Variants in ADAMTS19 observed in about 807,000 individuals in gnomAD.
ADAMTS19 encodes A disintegrin and metalloproteinase with thrombospondin motifs 19.
A neutral mutation model predicts 153.3 loss-of-function variants in ADAMTS19; 93 were observed. That is an observed-to-expected ratio of 0.61 (90% CI 0.51 to 0.72). ADAMTS19 has a LOEUF of 0.72. ADAMTS19 is among the 30% of genes least tolerant of loss of function. ADAMTS19 has a pLI of 0.00. For synonymous variants in ADAMTS19, 600 were observed against 556.6 expected (o/e 1.08, Z -1.10); for missense variants, 1,482 against 1,552.1 (o/e 0.95, Z 0.76).
In ADAMTS19 at chr5:129,474,527, T is replaced by C. The variant is rs149879267; in HGVS notation, c.747+12770T>C. On this transcript the variant is annotated intron_variant, in intron 2 of 22. Transcript: ENST00000274487. ...TTTTATATTCCCCCCCAGTAATGTA[T>C]GAGGATTCCAGTTTCTCAACATCCT... is the stretch of plus-strand genomic sequence containing the variant. 9.8e-5 allele frequency among the ~76,000 whole-genome samples: 15 copies of C among 152,330 alleles called. No homozygotes were observed. The East Asian group carries it at 2.9e-3, about 29-fold the overall frequency.
chr5:129,629,198 T>C (rs985071227), intron 10 of ADAMTS19, among the ~76,000 whole-genome samples: 11 of 152,108 alleles, frequency 7.2e-5, no homozygotes, highest in Admixed American at 4.6e-4. Context: ...GATTGAATAA[T>C]GGAGTACTGA....
chr5:129,536,779 G>A (rs187153466), intron 6 of ADAMTS19, among the ~76,000 whole-genome samples: 3,909 of 152,162 alleles, frequency 0.026, 172 homozygotes, highest in African/African-American at 0.089. Flanking sequence ...GATGAAATTG[G>A]AAATCATCAT....
At chr5:129,630,413 C>T (rs181410568) in intron 10 of ADAMTS19, among the ~76,000 whole-genome samples, 1 of 152,162 alleles carries the variant, frequency 6.6e-6, no homozygotes, top group East Asian at 1.9e-4. Flanking sequence ...AAAGGAGAGA[C>T]TTAACTCCTC....
intron 19 of ADAMTS19, among the ~76,000 whole-genome samples, chr5:129,697,354 TG>T (rs1386866772): frequency 6.6e-6 from 1 of 152,138 alleles, no homozygotes; most frequent in African/African-American, 2.4e-5. Context: ...TTCAATCAGC[TG>T]GGGGGCTTAA....
chr5:129,628,197 A>G (rs999498916), intron 10 of ADAMTS19, among the ~76,000 whole-genome samples: 8 of 152,132 alleles, frequency 5.3e-5, no homozygotes, highest in Non-Finnish European at 1.0e-4. Flanking sequence ...AAACTTATGC[A>G]GGAACAAAAA....
chr5:129,700,214 T>C (rs1287715833), intron 19 of ADAMTS19, among the ~76,000 whole-genome samples: 2 of 152,218 alleles, frequency 1.3e-5, no homozygotes, highest in African/African-American at 2.4e-5. Flanking sequence ...GCTCTCCATC[T>C]AGATATTAAA....
intron 10 of ADAMTS19, among the ~76,000 whole-genome samples, chr5:129,634,817 C>G (rs894661529): frequency 6.6e-6 from 1 of 151,578 alleles, no homozygotes; most frequent in East Asian, 1.9e-4. Context: ...CTAGGCAATA[C>G]CATTCTGGAC....
Position 129,622,183 on chromosome 5 carries a change from C to G in ADAMTS19, c.1620-15C>G. On this transcript the variant is annotated splice_polypyrimidine_tract_variant and intron_variant, in intron 9 of 22. Coordinates refer to ENST00000274487, the MANE Select transcript of ADAMTS19 (RefSeq NM_133638.6). ...CATTAAATTCAAAAGTTTACACATA[C>G]CTGCCTATTGCCAGGTCAAAGGCCA... 2.5e-6 allele frequency: 4 copies of G among 1,613,868 alleles called. No homozygotes were observed. The highest frequency in any genetic ancestry group is 2.2e-5 in the South Asian group (2 of 91,070).
intron 10 of ADAMTS19, among the ~76,000 whole-genome samples, chr5:129,633,498 C>T (rs1752399993): frequency 6.6e-6 from 1 of 152,128 alleles, no homozygotes; most frequent in South Asian, 2.1e-4. Flanking sequence ...TTTACTGGAA[C>T]ACAGTGACAC....
chr5:129,606,069 T>A (rs1259385759), intron 8 of ADAMTS19, among the ~76,000 whole-genome samples: 1 of 151,976 alleles, frequency 6.6e-6, no homozygotes, highest in African/African-American at 2.4e-5. Context: ...AATTCAGGAG[T>A]TTCTTTGGAA....
At chr5:129,560,841 G>A (rs1753485862) in intron 7 of ADAMTS19, among the ~76,000 whole-genome samples, 1 of 152,090 alleles carries the variant, frequency 6.6e-6, no homozygotes, top group Non-Finnish European at 1.5e-5. Flanking sequence ...TAGTTAAGAT[G>A]TCACCGCAAG....
intron 8 of ADAMTS19, among the ~76,000 whole-genome samples, chr5:129,611,692 C>G (rs1017248577): frequency 2.0e-5 from 3 of 152,212 alleles, no homozygotes; most frequent in South Asian, 2.1e-4. Flanking sequence ...GTTACTGTAG[C>G]CTTGTAGTTT....
chr5:129,513,202 TA>T (rs745675326), intron 3 of ADAMTS19, among the ~76,000 whole-genome samples: 8,399 of 140,908 alleles, frequency 0.06, 301 homozygotes, highest in African/African-American at 0.11. Flanking sequence ...AAGTAACAAC[TA>T]AAAAAAAAAA....
chr5:129,477,498 G>A (rs1580988137), intron 2 of ADAMTS19, among the ~76,000 whole-genome samples: 1 of 152,284 alleles, frequency 6.6e-6, no homozygotes, highest in East Asian at 1.9e-4. Flanking sequence ...AGCCACTGAT[G>A]TGTATTTAGA....
At chr5:129,720,910 C>T (rs910320664) in intron 21 of ADAMTS19, among the ~76,000 whole-genome samples, 10 of 152,118 alleles carry the variant, frequency 6.6e-5, no homozygotes, top group African/African-American at 2.2e-4. Context: ...TACCATGAGC[C>T]ATCACATAAA....
At chr5:129,579,103 CTT>C (rs1013002972) in intron 7 of ADAMTS19, among the ~76,000 whole-genome samples, 13 of 152,100 alleles carry the variant, frequency 8.5e-5, no homozygotes, top group East Asian at 3.9e-4. Context: ...TCCAGCATCT[CTT>C]GTTTCCTGAC....
At chr5:129,727,530 A>G (rs570951076) in intron 21 of ADAMTS19, among the ~76,000 whole-genome samples, 1 of 152,322 alleles carries the variant, frequency 6.6e-6, no homozygotes, top group South Asian at 2.1e-4. Context: ...CATAAGAGAA[A>G]TATTAGCAAC....
chr5:129,484,020 T>C (rs1750507140), intron 2 of ADAMTS19, among the ~76,000 whole-genome samples: 1 of 152,148 alleles, frequency 6.6e-6, no homozygotes, highest in Non-Finnish European at 1.5e-5. Context: ...AGTGCCTTTT[T>C]CCTCATATCT....
At chr5:129,665,161 G>A (rs797010660) in intron 15 of ADAMTS19, among the ~76,000 whole-genome samples, 4 of 150,284 alleles carry the variant, frequency 2.7e-5, no homozygotes, top group African/African-American at 9.8e-5. Flanking sequence ...GAGGTTATCT[G>A]TTCTATTTCA....
Sources: gnomAD v4.1 joint callset for allele counts (sites outside exome capture counted in the v4.1 genomes callset) on GRCh38, gnomAD v4.1.1 for gene constraint, MANE v1.5 for transcripts, NCBI Gene and HGNC (gene_info 2026-07-23, HGNC 2026-07-21) for gene names.